PTPRD: variants seen among roughly 807,000 people sequenced by gnomAD.
PTPRD encodes protein tyrosine phosphatase receptor type D, also known as receptor-type tyrosine-protein phosphatase delta.
In PTPRD, 34 loss-of-function variants were observed where a neutral mutation model predicts 214.5. That is an observed-to-expected ratio of 0.16 (90% CI 0.12 to 0.21). The LOEUF (loss-of-function observed/expected upper bound fraction) is 0.21, where lower values mean the gene tolerates loss of function less well. Ranked by LOEUF, PTPRD falls within the 10% of genes least tolerant of loss-of-function variation. The probability of loss-of-function intolerance (pLI) is 1.00; values close to 1 mark genes in which losing one functional copy is unlikely to be tolerated. For synonymous variants in PTPRD, 1,128 were observed against 845.7 expected (o/e 1.33, Z -5.79); for missense variants, 2,545 against 2,398.7 (o/e 1.06, Z -1.27).
intron 5 of PTPRD, among the ~76,000 whole-genome samples, chr9:9,875,677 C>T (rs972983231): frequency 3.9e-5 from 6 of 152,028 alleles, no homozygotes; most frequent in African/African-American, 7.2e-5. Context: ...TTAGTAATAA[C>T]GTAGTTTCTG....
intron 2 of PTPRD, among the ~76,000 whole-genome samples, chr9:10,490,625 A>G (rs1284798323): frequency 4.6e-5 from 7 of 152,012 alleles, no homozygotes; most frequent in Non-Finnish European, 1.0e-4. Context: ...TCTGGTCTCA[A>G]TTTGCTTTTC....
At chr9:9,879,031 C>T (rs543943307) in intron 5 of PTPRD, among the ~76,000 whole-genome samples, 28 of 152,086 alleles carry the variant, frequency 1.8e-4, no homozygotes, top group African/African-American at 6.0e-4. Flanking sequence ...TTTTATCAAC[C>T]CTCAAAATTT....
intron 8 of PTPRD, among the ~76,000 whole-genome samples, chr9:9,495,568 C>A (rs1589857858): frequency 6.6e-6 from 1 of 152,210 alleles, no homozygotes. Context: ...ATGGCTGGAC[C>A]TTGAGGGAGT....
At chr9:9,870,920 T>G (rs541131865) in intron 5 of PTPRD, among the ~76,000 whole-genome samples, 7 of 152,228 alleles carry the variant, frequency 4.6e-5, no homozygotes, top group Admixed American at 4.6e-4. Context: ...TCTGTACATG[T>G]GAAGTTTGTG....
intron 11 of PTPRD, among the ~76,000 whole-genome samples, chr9:8,841,405 G>T (rs990227739): frequency 1.3e-5 from 2 of 152,076 alleles, no homozygotes; most frequent in Admixed American, 1.3e-4. Context: ...GAAAATAAAT[G>T]TTATAAACAA....
At chr9:10,047,045 C>T (rs2097412995) in intron 3 of PTPRD, among the ~76,000 whole-genome samples, 1 of 151,830 alleles carries the variant, frequency 6.6e-6, no homozygotes, top group Non-Finnish European at 1.5e-5. Flanking sequence ...ACTACATAAA[C>T]ATCTTTTTCT....
In PTPRD at chr9:10,530,089, AT is replaced by A. The variant is rs374678663; in HGVS notation, c.-600+82308del. On this transcript the variant is annotated intron_variant, in intron 2 of 45. Coordinates refer to ENST00000381196, the MANE Select transcript of PTPRD (RefSeq NM_002839.4). ...GATTAAAAAAGTCAATTTAAAAAAA[AT>A]ATTGCAGTGATTGACACCCGTACTT... is the stretch of plus-strand genomic sequence containing the variant. Among the ~76,000 whole-genome samples the A allele has an allele frequency of 1.7e-4, 26 of 152,300 alleles. 1 individual carries two copies. Among genetic ancestry groups the A allele is most frequent in the African/African-American group, 5.8e-4 (24 of 41,576 alleles).
chr9:8,849,631 C>A lies in PTPRD; in HGVS notation c.-103-115685G>T, dbSNP rs982416452. Among the ~76,000 whole-genome samples the A allele has an allele frequency of 4.6e-5, 7 of 152,138 alleles. No individual in the cohort carries two copies. In the East Asian group the frequency reaches 1.2e-3, roughly 25 times the overall value. On this transcript the variant is annotated intron_variant, in intron 11 of 45. Transcript: ENST00000381196. ...TTTCAATGGATACAAGTGAGGACAGCTGGTAAGAGAAAGGAGATTCCAGGA... is the reference window on the plus strand; with the variant it reads ...TTTCAATGGATACAAGTGAGGACAGATGGTAAGAGAAAGGAGATTCCAGGA...
At chr9:9,208,932 C>T (rs978613599) in intron 9 of PTPRD, among the ~76,000 whole-genome samples, 3 of 151,900 alleles carry the variant, frequency 2.0e-5, no homozygotes, top group Non-Finnish European at 4.4e-5. Flanking sequence ...CTCAGCCTCC[C>T]GAGTAGCTGG....
At chr9:8,581,577 T>C (rs917853095) in intron 14 of PTPRD, among the ~76,000 whole-genome samples, 2 of 150,660 alleles carry the variant, frequency 1.3e-5, no homozygotes, top group Non-Finnish European at 3.0e-5. Flanking sequence ...TGAAACCCCA[T>C]CTCTACTAAA....
chr9:9,490,243 C>CA lies in PTPRD; in HGVS notation c.-237+84488dup, dbSNP rs576299497. ...GTTTGTTACCACTAAACCTACCCTG[C>CA]AAAAAAAGCTCAAGGGAATCCTGGA... On this transcript the variant is annotated intron_variant, in intron 8 of 45. Coordinates refer to ENST00000381196, the MANE Select transcript of PTPRD (RefSeq NM_002839.4). 1.6e-3 allele frequency among the ~76,000 whole-genome samples: 237 copies of CA among 151,650 alleles called. 1 individual carries two copies. The highest frequency in any genetic ancestry group is 0.01 in the Middle Eastern group (3 of 294).
intron 9 of PTPRD, among the ~76,000 whole-genome samples, chr9:9,322,722 G>A (rs926359670): frequency 6.6e-5 from 10 of 152,032 alleles, no homozygotes; most frequent in South Asian, 2.1e-4. Context: ...TAGCACTTGT[G>A]GTTTCAACCG....
chr9:9,446,431 T>A (rs142790571), intron 8 of PTPRD, among the ~76,000 whole-genome samples: 9 of 152,300 alleles, frequency 5.9e-5, no homozygotes, highest in Non-Finnish European at 8.8e-5. Flanking sequence ...CTAAGCTCAG[T>A]CTTGTATCCA....
At chr9:10,111,860 C>T (rs1249985048) in intron 3 of PTPRD, among the ~76,000 whole-genome samples, 3 of 152,148 alleles carry the variant, frequency 2.0e-5, no homozygotes, top group African/African-American at 7.2e-5. Context: ...ATATTGGAAG[C>T]ACGAGAATTT....
intron 11 of PTPRD, among the ~76,000 whole-genome samples, chr9:8,914,371 G>T (rs947478803): frequency 6.6e-6 from 1 of 151,980 alleles, no homozygotes; most frequent in African/African-American, 2.4e-5. Flanking sequence ...GTTCTGTTTT[G>T]CCATTTGAAC....
At chr9:9,410,004 T>C (rs1175689008) in intron 8 of PTPRD, among the ~76,000 whole-genome samples, 1 of 152,174 alleles carries the variant, frequency 6.6e-6, no homozygotes, top group Non-Finnish European at 1.5e-5. Flanking sequence ...GAAGAAAATA[T>C]GAAACACATT....
At chr9:8,613,971 T>C (rs1487109814) in intron 14 of PTPRD, among the ~76,000 whole-genome samples, 1 of 151,838 alleles carries the variant, frequency 6.6e-6, no homozygotes, top group Non-Finnish European at 1.5e-5. Context: ...TTCTATAAAA[T>C]AGTAAAGTTG....
chr9:9,240,172 T>C (rs2099969662), intron 9 of PTPRD, among the ~76,000 whole-genome samples: 1 of 115,246 alleles, frequency 8.7e-6, no homozygotes, highest in Admixed American at 8.1e-5. Flanking sequence ...AAAAGATATC[T>C]ACTTAAAAAT....
chr9:10,351,820 A>T (rs1198721544), intron 2 of PTPRD, among the ~76,000 whole-genome samples: 1 of 152,052 alleles, frequency 6.6e-6, no homozygotes, highest in Non-Finnish European at 1.5e-5. Flanking sequence ...CCTAGAACAT[A>T]ATAGACACAT....
Sources: allele counts gnomAD v4.1 joint callset (sites outside exome capture counted in the v4.1 genomes callset), GRCh38; gene constraint gnomAD v4.1.1; transcripts MANE v1.5; gene names NCBI Gene and HGNC (gene_info 2026-07-23, HGNC 2026-07-21).